NUP210: variants seen among roughly 807,000 people sequenced by gnomAD.
NUP210 encodes the protein nucleoporin 210.
Under a neutral mutation model 196.0 loss-of-function variants are expected in NUP210, and 151 were observed. The ratio of observed to expected loss-of-function variants is 0.77; its 90% CI spans 0.67 to 0.88. NUP210 has a LOEUF of 0.88. Ranked by LOEUF, NUP210 falls within the 40% of genes least tolerant of loss-of-function variation. The pLI is 0.00. For synonymous variants in NUP210, 1,070 were observed against 1,052.7 expected, an observed-to-expected ratio of 1.02 and a Z score of -0.32; for missense variants, 2,314 against 2,493.7, an observed-to-expected ratio of 0.93 and a Z score of 1.53.
At chr3:13,356,903 A>C (rs1424613297) in intron 16 of NUP210, among the ~76,000 whole-genome samples, 1 of 152,248 alleles carries the variant, frequency 6.6e-6, no homozygotes, top group Non-Finnish European at 1.5e-5. Flanking sequence ...GGACCAATCC[A>C]GCCCCAAGGT....
intron 5 of NUP210, among the ~76,000 whole-genome samples, chr3:13,388,089 C>T (rs972955805): frequency 6.6e-6 from 1 of 152,152 alleles, no homozygotes; most frequent in Non-Finnish European, 1.5e-5. Flanking sequence ...CCTAGAGATG[C>T]TTTCTGGGGC....
chr3:13,340,378 C>T lies in NUP210; in HGVS notation c.3229-80G>A, dbSNP rs915776896. 7 of 1,288,146 alleles carry T rather than the reference C, an allele frequency of 5.4e-6. No individual in the cohort carries two copies. The highest frequency in any genetic ancestry group is 6.7e-6 in the Non-Finnish European group (6 of 893,100). The allele number at this position is 1,288,146 out of a possible 1,614,324, so 79.8% of individuals were successfully genotyped here. A position where few individuals can be genotyped will look rare whatever the true frequency, so the allele number is the denominator to read the frequency against. On this transcript the variant is annotated intron_variant, in intron 23 of 39. Transcript: ENST00000254508. This position sits in a 1 kb window ranked among gnomAD's most constrained non-coding sequence, Gnocchi z 4.0. ...AGCATAACTCACACACTACATGTTT[C>T]ATGAGAGGAAAACCTGGGACATGGA...
Position 13,357,696 on chromosome 3 carries a change from G to A in NUP210, c.2328+526C>T, listed in dbSNP as rs76157003. ...TCAAGTCCAAGGGGAGCAGACCTGT[G>A]GCTTCCCCTACCATCCCTGCTGTTA... On this transcript the variant is annotated intron_variant, in intron 16 of 39. Transcript: ENST00000254508. Among the ~76,000 whole-genome samples, 1,346 of 152,222 alleles carry A rather than the reference G, an allele frequency of 8.8e-3. 20 individuals carry two copies. The highest frequency in any genetic ancestry group is 0.031 in the African/African-American group (1,287 of 41,526).
rs1057179789 is a variant in NUP210 at position 13,347,651 on chromosome 3, C to T, written c.2835+4228G>A. On this transcript the variant is annotated intron_variant, in intron 20 of 39. Coordinates refer to ENST00000254508, the MANE Select transcript of NUP210 (RefSeq NM_024923.4). This position sits in a 1 kb window ranked among gnomAD's most constrained non-coding sequence, Gnocchi z 4.7. ...TCCTTCCGTGCTGAATATGTATCAA[C>T]AGGAAGGAAAGAAACCCTTTCTCTG... Among the ~76,000 whole-genome samples, 5 of 152,170 alleles carry T rather than the reference C, an allele frequency of 3.3e-5. No individual in the cohort carries two copies. Among genetic ancestry groups the T allele is most frequent in the Admixed American group, 2.6e-4 (4 of 15,278 alleles).
At chr3:13,373,919 T>G (rs1481561428) in intron 11 of NUP210, 46 bp from the exon 12 acceptor site, 7 of 1,601,962 alleles carry the variant, frequency 4.4e-6, no homozygotes, top group Admixed American at 1.7e-5. Context: ...ACCCTTAGCC[T>G]GCTGGGGAAG....
chr3:13,341,898 A>G lies in NUP210; in HGVS notation c.3093-15T>C. The G allele has an allele frequency of 1.9e-6, 3 of 1,614,162 alleles. No individual in the cohort carries two copies. The highest frequency in any genetic ancestry group is 2.5e-6 in the Non-Finnish European group (3 of 1,180,006). Reference sequence around the variant, plus strand: ...CATCAAGGGCCCTGAAACAGAGGGAAGGGCTGGGACTTCTCCAAGACCACC... The same window carrying G: ...CATCAAGGGCCCTGAAACAGAGGGAGGGGCTGGGACTTCTCCAAGACCACC... On this transcript the variant is annotated splice_polypyrimidine_tract_variant and intron_variant, in intron 22 of 39. Transcript: ENST00000254508.
chr3:13,327,311 G>T lies in NUP210; in HGVS notation c.4413C>A (p.Pro1471=), dbSNP rs761611777. The T allele has an allele frequency of 1.9e-6, 3 of 1,613,348 alleles. No homozygotes were observed. The highest frequency in any genetic ancestry group is 2.2e-5 in the East Asian group (1 of 44,886). The change falls in exon 32 of 40, where the codon CCC becomes CCA. Residue 1471 remains proline (P), a synonymous_variant. Coordinates refer to ENST00000254508, the MANE Select transcript of NUP210 (RefSeq NM_024923.4). ...AEHPGLSDFM[P]LPVLQAISPE... The stretch of plus-strand genomic sequence containing the variant: ...GGGAGATGGCCTGTAGGACAGGCAG[G>T]GGCATGAAGTCCGAGAGGCCCGGGT...
chr3:13,360,083 C>T (rs1489655905), intron 15 of NUP210, among the ~76,000 whole-genome samples, 187 bp downstream of exon 15: 1 of 152,272 alleles, frequency 6.6e-6, no homozygotes, highest in African/African-American at 2.4e-5. Flanking sequence ...CCTATTGCCA[C>T]ACCTGCCTGG....
Position 13,397,446 on chromosome 3 carries a change from A to C in NUP210, c.347T>G (p.Ile116Ser). 2 of 1,612,826 alleles carry C rather than the reference A, an allele frequency of 1.2e-6. No homozygotes were observed. The highest frequency in any genetic ancestry group is 1.7e-6 in the Non-Finnish European group (2 of 1,179,488). ...VLRCDAIVDL[I>S]HDIQIVSTTR... ...GGTGGAGACGATCTGGATGTCATGG[A>C]TGAGGTCCACAATGGCATCACAGCG... Residue 116 changes from isoleucine (I) to serine (S), a missense_variant, in exon 3 of 40, where the codon ATC becomes AGC. By Grantham distance (142) the Ile-to-Ser change is moderately radical. Transcript: ENST00000254508.
intron 28 of NUP210, among the ~76,000 whole-genome samples, chr3:13,334,106 C>A (rs1323577656): frequency 6.6e-6 from 1 of 152,178 alleles, no homozygotes; most frequent in Non-Finnish European, 1.5e-5. Flanking sequence ...CTTTACATGA[C>A]AACAAGCTGT....
intron 1 of NUP210, among the ~76,000 whole-genome samples, chr3:13,419,642 G>T (rs1355683568): frequency 1.3e-5 from 2 of 152,210 alleles, no homozygotes; most frequent in African/African-American, 4.8e-5. Flanking sequence ...CCAGGGCGAG[G>T]GCGGTCACAG....
intron 28 of NUP210, among the ~76,000 whole-genome samples, chr3:13,335,046 T>C (rs2124849932): frequency 6.6e-6 from 1 of 152,338 alleles, no homozygotes; most frequent in Non-Finnish European, 1.5e-5. Context: ...GCAGCAATAC[T>C]GAAAAACGTG....
chr3:13,332,318 A>G lies in NUP210; in HGVS notation c.3910T>C (p.Ser1304Pro). 6.2e-7 allele frequency: 1 copy of G among 1,613,812 alleles called. No individual in the cohort carries two copies. Among genetic ancestry groups the G allele is most frequent in the Non-Finnish European group, 8.5e-7 (1 of 1,179,758 alleles). ...EAEQILMSPN[S>P]YIKLQTNRDG... is the part of the protein sequence containing the mutation. ...CTGTTTGTCTGCAGCTTTATATATG[A>G]GTTGGGCGACATTAATATTTGTTCT... The change falls in exon 29 of 40, where the codon TCA becomes CCA. Residue 1304 changes from serine to proline, a missense_variant. Transcript: ENST00000254508.
At chr3:13,336,661 C>T (rs1437149867) in intron 27 of NUP210, 126 bp downstream of exon 27, 9 of 1,005,580 alleles carry the variant, frequency 9.0e-6, no homozygotes, top group Middle Eastern at 5.8e-4. Context: ...AGAAAGTGGG[C>T]GGGCCTCTCT....
intron 5 of NUP210, among the ~76,000 whole-genome samples, chr3:13,387,433 G>A (rs761292617): frequency 6.6e-6 from 1 of 152,218 alleles, no homozygotes; most frequent in Non-Finnish European, 1.5e-5. Flanking sequence ...GCCCTACACA[G>A]GAGCAAACTG....
intron 4 of NUP210, among the ~76,000 whole-genome samples, chr3:13,388,996 C>T (rs944538663): frequency 6.6e-6 from 1 of 152,228 alleles, no homozygotes. Flanking sequence ...GGGGAGATGT[C>T]GGGGACGTGG....
Position 13,348,761 on chromosome 3 carries a change from G to A in NUP210, c.2835+3118C>T. The stretch of plus-strand genomic sequence containing the variant: ...CAAGGGTCTGCCTCTGAGAAGAACA[G>A]GAACAGTGGGACTCCCTCCCCCTCC... On this transcript the variant is annotated intron_variant, in intron 20 of 39. Transcript: ENST00000254508. The surrounding 1 kb of genome is among the most constrained non-coding windows in gnomAD (Gnocchi z 4.0). The A allele has an allele frequency of 3.0e-6, 3 of 985,364 alleles. No individual in the cohort carries two copies. Among genetic ancestry groups the A allele is most frequent in the African/African-American group, 3.5e-5 (2 of 57,326 alleles). 61.0% of individuals were successfully genotyped at this position (985,364 alleles called of 1,614,324 possible).
chr3:13,370,981 A>G (rs1698711511), intron 13 of NUP210, among the ~76,000 whole-genome samples: 2 of 152,228 alleles, frequency 1.3e-5, no homozygotes, highest in Admixed American at 1.3e-4. Context: ...CCACGTGCAC[A>G]GGCACCACGG....
Position 13,323,256 on chromosome 3 carries a change from C to T in NUP210, c.4768+53G>A. ...ACTCCATCCAGAGGACACAGGAAGC[C>T]ACCTCCCCGCTCCCAGGTACTCTGA... On this transcript the variant is annotated intron_variant, in intron 34 of 39. Coordinates refer to ENST00000254508, the MANE Select transcript of NUP210 (RefSeq NM_024923.4). This position sits in a 1 kb window ranked among gnomAD's most constrained non-coding sequence, Gnocchi z 4.3. The T allele has an allele frequency of 1.2e-6, 2 of 1,608,562 alleles. No individual in the cohort carries two copies. The highest frequency in any genetic ancestry group is 1.3e-5 in the African/African-American group (1 of 74,780).
Sources: allele counts gnomAD v4.1 joint callset (sites outside exome capture counted in the v4.1 genomes callset), GRCh38; gene constraint gnomAD v4.1.1; non-coding constraint Gnocchi (gnomAD v3.1); transcripts MANE v1.5; gene names NCBI Gene and HGNC (gene_info 2026-07-23, HGNC 2026-07-21).